The following PTGFRN variants were observed in gnomAD, a reference collection of about 807,000 sequenced individuals.
PTGFRN encodes prostaglandin F2 receptor negative regulator.
In PTGFRN, 35 loss-of-function variants were observed where a neutral mutation model predicts 83.2. That is an observed-to-expected ratio of 0.42 (90% CI 0.32 to 0.56). The LOEUF (loss-of-function observed/expected upper bound fraction) is 0.56. Ranked by LOEUF, PTGFRN falls within the 20% of genes least tolerant of loss-of-function variation. PTGFRN has a pLI of 0.11. For missense variants in PTGFRN, 1,051 were observed against 1,179.5 expected (o/e 0.89, Z 1.60); for synonymous variants, 519 against 498.6 (o/e 1.04, Z -0.55).
At chr1:116,948,687 A>C (rs1435440693) in intron 3 of PTGFRN, among the ~76,000 whole-genome samples, 1 of 152,220 alleles carries the variant, frequency 6.6e-6, no homozygotes, top group African/African-American at 2.4e-5. Flanking sequence ...AAATCACCCA[A>C]GTTTCATCAT....
intron 1 of PTGFRN, among the ~76,000 whole-genome samples, chr1:116,937,642 T>G (rs938449071): frequency 4.6e-5 from 7 of 152,198 alleles, no homozygotes; most frequent in Non-Finnish European, 1.0e-4. Flanking sequence ...CTCTGATCAC[T>G]AAGGATAAAG....
rs570457815 is a variant in PTGFRN at position 116,918,573 on chromosome 1, G to C, written c.49+8321G>C. ...AGTTTAAGAAGCATGTCTGGAGGAG[G>C]TTTGGCATACAAATTACTTGGTAGT... On this transcript the variant is annotated intron_variant, in intron 1 of 8. Coordinates refer to ENST00000393203, the MANE Select transcript of PTGFRN (RefSeq NM_020440.4). The surrounding 1 kb of genome is among the most constrained non-coding windows in gnomAD (Gnocchi z 4.1). 6.6e-5 allele frequency among the ~76,000 whole-genome samples: 10 copies of C among 152,314 alleles called. No homozygotes were observed. Among genetic ancestry groups the C allele is most frequent in the African/African-American group, 2.4e-4 (10 of 41,564 alleles).
rs970842842 is a variant in PTGFRN, at chr1:116,912,235, G to A, written c.49+1983G>A. On this transcript the variant is annotated intron_variant, in intron 1 of 8. Coordinates refer to ENST00000393203, the MANE Select transcript of PTGFRN (RefSeq NM_020440.4). ...GGATGCCTCCTATGAATTACACAGG[G>A]AATTTCTGTGGTGTCACCAGCCAGT... 5.3e-5 allele frequency among the ~76,000 whole-genome samples: 8 copies of A among 152,128 alleles called. No individual in the cohort carries two copies. The South Asian group carries it at 1.0e-3, about 20-fold the overall frequency.
intron 1 of PTGFRN, among the ~76,000 whole-genome samples, chr1:116,934,632 G>C: frequency 6.6e-6 from 1 of 151,914 alleles, no homozygotes; most frequent in African/African-American, 2.4e-5. Flanking sequence ...TACAATCTGT[G>C]TCTGATAAAA....
chr1:116,932,272 A>G (rs1463788104), intron 1 of PTGFRN, among the ~76,000 whole-genome samples: 2 of 152,220 alleles, frequency 1.3e-5, no homozygotes, highest in East Asian at 1.9e-4. Flanking sequence ...ACTTATTTAA[A>G]TAAACATTGC....
intron 1 of PTGFRN, among the ~76,000 whole-genome samples, chr1:116,931,130 A>G (rs535248630): frequency 1.3e-5 from 2 of 152,314 alleles, no homozygotes; most frequent in South Asian, 4.1e-4. Flanking sequence ...TTGAGCACTG[A>G]TACGTTGCTC....
chr1:116,935,134 A>G (rs187133126), intron 1 of PTGFRN, among the ~76,000 whole-genome samples: 1 of 152,236 alleles, frequency 6.6e-6, no homozygotes, highest in East Asian at 1.9e-4. Flanking sequence ...CTTTCATGTC[A>G]GTTACCTTGA....
intron 7 of PTGFRN, among the ~76,000 whole-genome samples, chr1:116,975,520 A>G (rs1651120469): frequency 1.3e-5 from 2 of 152,222 alleles, no homozygotes; most frequent in African/African-American, 4.8e-5. Flanking sequence ...CCCCTCTGAG[A>G]CGAAGCTTCC....
chr1:116,945,229 G>GT (rs1650167877), intron 3 of PTGFRN, 137 bp downstream of exon 3: 1 of 1,121,634 alleles, frequency 8.9e-7, no homozygotes, highest in Non-Finnish European at 1.2e-6. Context: ...ATTTTTAGGG[G>GT]TGAAGGGAGT....
chr1:116,934,914 G>A (rs564906109), intron 1 of PTGFRN, among the ~76,000 whole-genome samples: 31 of 152,154 alleles, frequency 2.0e-4, no homozygotes, highest in Middle Eastern at 3.2e-3. Flanking sequence ...TGCTTTTTCC[G>A]CTTTGCTCTT....
rs182764093 is a variant in PTGFRN at position 116,989,657 on chromosome 1, C to T, written c.*2690C>T. On this transcript the variant is annotated 3_prime_UTR_variant, in exon 9 of 9. Transcript: ENST00000393203. ...CTAAGCTATGTTCAGATAGAAGCCT[C>T]GAAATTCCTGTAAATTGTTTACTTT... 2 of 152,636 alleles carry T rather than the reference C, an allele frequency of 1.3e-5. No individual in the cohort carries two copies. The highest frequency in any genetic ancestry group is 1.9e-4 in the East Asian group (1 of 5,184). 9.5% of individuals were successfully genotyped at this position (152,636 alleles called of 1,614,324 possible).
At chr1:116,956,149 T>C (rs1650480823) in intron 4 of PTGFRN, among the ~76,000 whole-genome samples, 1 of 152,202 alleles carries the variant, frequency 6.6e-6, no homozygotes. Flanking sequence ...TGGAATCATA[T>C]CTTCTCCAGG....
At chr1:116,974,346 C>G in intron 7 of PTGFRN, 23 bp downstream of exon 7, 1 of 1,511,974 alleles carries the variant, frequency 6.6e-7, no homozygotes, top group Non-Finnish European at 9.2e-7. Context: ...ATCCTCACCC[C>G]TTCACCATGT....
chr1:116,966,888 A>T (rs2101079982), intron 5 of PTGFRN, 23 bp from the exon 6 acceptor site: 2 of 1,557,830 alleles, frequency 1.3e-6, no homozygotes, highest in East Asian at 4.5e-5. Context: ...TGGAAATCAC[A>T]TCCTTCTGGT....
chr1:116,931,780 T>C (rs1303487506), intron 1 of PTGFRN, among the ~76,000 whole-genome samples: 1 of 152,200 alleles, frequency 6.6e-6, no homozygotes, highest in East Asian at 1.9e-4. Context: ...TTTATAAGTT[T>C]GACTTTCTGT....
At chr1:116,960,173 T>C (rs1347535469) in intron 4 of PTGFRN, among the ~76,000 whole-genome samples, 1 of 152,156 alleles carries the variant, frequency 6.6e-6, no homozygotes, top group Non-Finnish European at 1.5e-5. Flanking sequence ...ACAGAGTATA[T>C]CCCTTCTGGG....
In PTGFRN at chr1:116,944,782, C is replaced by T. The variant is rs1207709969; in HGVS notation, c.522C>T (p.Ala174=). ...PFELRCTAAS[A]SPLHTHLALL... ...AGCTGCGCTGCACCGCCGCCTCCGC[C>T]TCGCCGCTGCACACGCACCTGGCGC... The change falls in exon 3 of 9, where the codon GCC becomes GCT. Residue 174 remains alanine, a synonymous_variant. Coordinates refer to ENST00000393203, the MANE Select transcript of PTGFRN (RefSeq NM_020440.4). 1 of 1,560,132 alleles carries T rather than the reference C, an allele frequency of 6.4e-7. No homozygotes were observed. The highest frequency in any genetic ancestry group is 8.6e-7 in the Non-Finnish European group (1 of 1,156,884).
chr1:116,962,327 A>G (rs1017884383), intron 5 of PTGFRN: 1 of 151,730 alleles, frequency 6.6e-6, no homozygotes, highest in East Asian at 1.9e-4. Flanking sequence ...CTGGGTCACA[A>G]TTGGAAGCCC....
At chr1:116,940,504 A>G (rs1570655116) in intron 1 of PTGFRN, among the ~76,000 whole-genome samples, 2 of 152,182 alleles carry the variant, frequency 1.3e-5, no homozygotes, top group East Asian at 3.8e-4. Flanking sequence ...GTTGCCAAAT[A>G]TGGTCACATT....
Sources: allele counts gnomAD v4.1 joint callset (sites outside exome capture counted in the v4.1 genomes callset), GRCh38; gene constraint gnomAD v4.1.1; non-coding constraint Gnocchi (gnomAD v3.1); transcripts MANE v1.5; gene names NCBI Gene and HGNC (gene_info 2026-07-23, HGNC 2026-07-21).